Variants in MYRIP observed in about 807,000 individuals in gnomAD.
MYRIP encodes the protein myosin VIIA and Rab interacting protein, also known as rab effector MyRIP.
A neutral mutation model predicts 98.0 loss-of-function variants in MYRIP; 49 were observed. The ratio of observed to expected loss-of-function variants is 0.50; its 90% CI spans 0.40 to 0.63. MYRIP has a LOEUF of 0.63. Ranked by LOEUF, MYRIP falls within the 30% of genes least tolerant of loss-of-function variation. The probability of loss-of-function intolerance (pLI) is 0.00; values close to 1 mark genes in which losing one functional copy is unlikely to be tolerated. For missense variants in MYRIP, 1,004 were observed against 1,058.2 expected, an observed-to-expected ratio of 0.95 and a Z score of 0.71; for synonymous variants, 404 against 409.5, an observed-to-expected ratio of 0.99 and a Z score of 0.16.
chr3:40,147,763 A>C (rs1950038760), intron 3 of MYRIP, among the ~76,000 whole-genome samples: 1 of 152,232 alleles, frequency 6.6e-6, no homozygotes, highest in African/African-American at 2.4e-5. Flanking sequence ...GACAGAACAA[A>C]GACGTGGCTC....
rs75873066 is a variant in MYRIP at position 39,849,081 on chromosome 3, G to A, written c.-31+39165G>A. 9.7e-3 allele frequency among the ~76,000 whole-genome samples: 1,471 copies of A among 152,298 alleles called. 18 individuals carry two copies. The highest frequency in any genetic ancestry group is 0.034 in the African/African-American group (1,396 of 41,560). On this transcript the variant is annotated intron_variant, in intron 1 of 16. Transcript: ENST00000302541. Reference sequence around the variant, plus strand: ...ATGGAACACATTACTAGGATGTAGAGGGTACATCTGTCTATCCTATAGGAT... The same window carrying A: ...ATGGAACACATTACTAGGATGTAGAAGGTACATCTGTCTATCCTATAGGAT...
chr3:39,914,853 AAT>A (rs1944114879), intron 2 of MYRIP, among the ~76,000 whole-genome samples: 1 of 152,114 alleles, frequency 6.6e-6, no homozygotes. Context: ...TAAGATATAT[AAT>A]GACTATCACA....
chr3:40,098,978 T>G (rs1252705629), intron 3 of MYRIP, among the ~76,000 whole-genome samples: 1 of 152,168 alleles, frequency 6.6e-6, no homozygotes. Context: ...ATCTCTTGTT[T>G]GTTTCATTCA....
intron 2 of MYRIP, among the ~76,000 whole-genome samples, chr3:39,969,893 G>T (rs1410970599): frequency 6.6e-6 from 1 of 152,120 alleles, no homozygotes; most frequent in Non-Finnish European, 1.5e-5. Flanking sequence ...CTGTAGGAAT[G>T]GTACCAACTC....
intron 1 of MYRIP, among the ~76,000 whole-genome samples, chr3:39,823,134 C>T (rs910937634): frequency 6.6e-6 from 1 of 151,694 alleles, no homozygotes. Flanking sequence ...TTTCTCCTGC[C>T]TCAGCCTCCC....
chr3:39,881,229 C>T (rs1416012602), intron 1 of MYRIP, among the ~76,000 whole-genome samples: 2 of 133,798 alleles, frequency 1.5e-5, no homozygotes, highest in Non-Finnish European at 1.7e-5. Context: ...CTTCTGTTAT[C>T]CTGTTTGTTA....
chr3:39,832,123 G>T (rs908124161), intron 1 of MYRIP, among the ~76,000 whole-genome samples: 2 of 152,182 alleles, frequency 1.3e-5, no homozygotes, highest in Admixed American at 1.3e-4. Context: ...TGCATTCTCT[G>T]CATCATGAGA....
In MYRIP at chr3:40,084,978, C is replaced by T. The variant is rs55741340; in HGVS notation, c.332+40707C>T. ...ATAGATAATATATATCTATGTGTTA[C>T]ATATCGATAATATATATCTGTGTTA... On this transcript the variant is annotated intron_variant, in intron 3 of 16. Coordinates refer to ENST00000302541, the MANE Select transcript of MYRIP (RefSeq NM_015460.4). 2.0e-5 allele frequency among the ~76,000 whole-genome samples: 3 copies of T among 149,880 alleles called. No individual in the cohort carries two copies. In the South Asian group the frequency reaches 6.4e-4, roughly 32 times the overall value.
chr3:40,089,946 C>A (rs1222396700), intron 3 of MYRIP, among the ~76,000 whole-genome samples: 2 of 151,954 alleles, frequency 1.3e-5, no homozygotes, highest in Non-Finnish European at 2.9e-5. Context: ...ACACCCTACA[C>A]TGCATATACC....
At chr3:40,145,371 A>G (rs1949986294) in intron 3 of MYRIP, among the ~76,000 whole-genome samples, 1 of 152,150 alleles carries the variant, frequency 6.6e-6, no homozygotes, top group Non-Finnish European at 1.5e-5. Flanking sequence ...GAAATTATAC[A>G]TTCGGTATAT....
intron 2 of MYRIP, among the ~76,000 whole-genome samples, chr3:39,949,212 G>T (rs998756801): frequency 6.6e-6 from 1 of 152,098 alleles, no homozygotes; most frequent in South Asian, 2.1e-4. Context: ...AAGAAGAAGA[G>T]GTTCCTTTTC....
chr3:39,889,940 C>T (rs146540041), intron 1 of MYRIP, among the ~76,000 whole-genome samples: 2 of 152,118 alleles, frequency 1.3e-5, no homozygotes, highest in African/African-American at 4.8e-5. Flanking sequence ...AATTCCAAAA[C>T]TGAATCAATA....
At chr3:40,019,089 C>T (rs1044146555) in intron 2 of MYRIP, among the ~76,000 whole-genome samples, 6 of 152,164 alleles carry the variant, frequency 3.9e-5, no homozygotes, top group African/African-American at 1.4e-4. Context: ...TGCTAGCAAC[C>T]TTCTAATCCA....
intron 2 of MYRIP, among the ~76,000 whole-genome samples, chr3:39,957,387 T>C (rs983052800): frequency 2.0e-5 from 3 of 149,038 alleles, no homozygotes; most frequent in African/African-American, 7.8e-5. Flanking sequence ...TGCAAATCAA[T>C]AAACGTAATC....
At chr3:39,964,587 G>A (rs1390861616) in intron 2 of MYRIP, among the ~76,000 whole-genome samples, 5 of 152,020 alleles carry the variant, frequency 3.3e-5, no homozygotes, top group East Asian at 1.9e-4. Flanking sequence ...GTCTTGTTTC[G>A]ATGTTAAACT....
intron 13 of MYRIP, chr3:40,248,048 T>C (rs986833625): frequency 1.3e-5 from 2 of 152,282 alleles, no homozygotes; most frequent in African/African-American, 4.8e-5. Flanking sequence ...CTCCCTGTTG[T>C]CTGTTCTCAC....
intron 3 of MYRIP, among the ~76,000 whole-genome samples, chr3:40,084,644 G>A (rs116366121): frequency 6.9e-6 from 1 of 145,330 alleles, no homozygotes; most frequent in African/African-American, 2.6e-5. Flanking sequence ...ATTATATATC[G>A]ATAATACACA....
chr3:39,843,191 C>G lies in MYRIP; in HGVS notation c.-31+33275C>G, dbSNP rs530186881. Reference sequence around the variant, plus strand: ...TATCTAATAGGATATTATCTAGGGTCAAATTTCTTTATAGTGTTATTGCTT... The same window carrying G: ...TATCTAATAGGATATTATCTAGGGTGAAATTTCTTTATAGTGTTATTGCTT... On this transcript the variant is annotated intron_variant, in intron 1 of 16. Coordinates refer to ENST00000302541, the MANE Select transcript of MYRIP (RefSeq NM_015460.4). Among the ~76,000 whole-genome samples the G allele has an allele frequency of 5.9e-5, 9 of 152,162 alleles. No homozygotes were observed. The South Asian group carries it at 1.7e-3, about 28-fold the overall frequency.
At chr3:40,234,771 G>A (rs554890687) in intron 12 of MYRIP, among the ~76,000 whole-genome samples, 47 of 152,254 alleles carry the variant, frequency 3.1e-4, no homozygotes, top group African/African-American at 1.1e-3. Context: ...GAGGCAGGCA[G>A]ATCACTTGAG....
Sources: gnomAD v4.1 joint callset for allele counts (sites outside exome capture counted in the v4.1 genomes callset) on GRCh38, gnomAD v4.1.1 for gene constraint, MANE v1.5 for transcripts, NCBI Gene and HGNC (gene_info 2026-07-23, HGNC 2026-07-21) for gene names.